SPOCK1: variants seen among roughly 807,000 people sequenced by gnomAD.
SPOCK1 encodes SPARC (osteonectin), cwcv and kazal like domains proteoglycan 1.
A neutral mutation model predicts 55.3 loss-of-function variants in SPOCK1; 23 were observed. The ratio of observed to expected loss-of-function variants is 0.42; its 90% confidence interval spans 0.30 to 0.59. The LOEUF (loss-of-function observed/expected upper bound fraction) is 0.59, where lower values mean the gene tolerates loss of function less well. SPOCK1 is among the 20% of genes least tolerant of loss of function. The probability of loss-of-function intolerance (pLI) is 0.22; values close to 1 mark genes in which losing one functional copy is unlikely to be tolerated. For missense variants in SPOCK1, 499 were observed against 552.5 expected (o/e 0.90, Z 0.97); for synonymous variants, 226 against 221.0 (o/e 1.02, Z -0.20).
At chr5:137,271,804 T>TTACACACTA (rs56979340) in intron 2 of SPOCK1, among the ~76,000 whole-genome samples, 1 of 151,846 alleles carries the variant, frequency 6.6e-6, no homozygotes, top group Non-Finnish European at 1.5e-5. Context: ...TGTAATTGTA[T>TTACACACTA]CAGCTTCAGA....
intron 2 of SPOCK1, among the ~76,000 whole-genome samples, chr5:137,340,165 T>A (rs1561509260): frequency 1.3e-5 from 2 of 152,160 alleles, no homozygotes; most frequent in African/African-American, 4.8e-5. Context: ...CCAGCTGTCA[T>A]CACTGAAGGA....
chr5:137,298,025 C>T (rs1420479608), intron 2 of SPOCK1, among the ~76,000 whole-genome samples: 2 of 152,176 alleles, frequency 1.3e-5, no homozygotes, highest in Non-Finnish European at 2.9e-5. Flanking sequence ...GTGGCCCCAA[C>T]CTCAGCTCAC....
At chr5:137,263,528 T>C (rs930686453) in intron 3 of SPOCK1, among the ~76,000 whole-genome samples, 1 of 152,176 alleles carries the variant, frequency 6.6e-6, no homozygotes, top group African/African-American at 2.4e-5. Flanking sequence ...GGGGCCTTCA[T>C]TTCTCCTGAC....
At chr5:137,495,903 G>T (rs971456978) in intron 2 of SPOCK1, among the ~76,000 whole-genome samples, 1 of 152,170 alleles carries the variant, frequency 6.6e-6, no homozygotes, top group Non-Finnish European at 1.5e-5. Context: ...CATAAAATGG[G>T]TGATGAATGA....
intron 3 of SPOCK1, among the ~76,000 whole-genome samples, chr5:137,196,857 T>C (rs1755310260): frequency 2.0e-5 from 3 of 152,266 alleles, no homozygotes; most frequent in South Asian, 4.1e-4. Context: ...ATGAGCTTAG[T>C]AAATATTTGT....
At chr5:137,280,265 G>A (rs1757141717) in intron 2 of SPOCK1, among the ~76,000 whole-genome samples, 1 of 152,190 alleles carries the variant, frequency 6.6e-6, no homozygotes, top group Non-Finnish European at 1.5e-5. Context: ...CTTGTAAGGA[G>A]CACCCAGCTG....
chr5:137,406,248 A>G (rs182355638), intron 2 of SPOCK1, among the ~76,000 whole-genome samples: 1 of 152,344 alleles, frequency 6.6e-6, no homozygotes, highest in African/African-American at 2.4e-5. Flanking sequence ...GTCAGCCCCT[A>G]GTGCTTGACG....
At chr5:137,031,604 G>A (rs1425366103) in intron 6 of SPOCK1, among the ~76,000 whole-genome samples, 2 of 152,152 alleles carry the variant, frequency 1.3e-5, no homozygotes, top group Non-Finnish European at 2.9e-5. Context: ...AGCAAGATGG[G>A]CCATGTTTTG....
intron 3 of SPOCK1, among the ~76,000 whole-genome samples, chr5:137,220,646 T>C (rs1464254265): frequency 6.6e-6 from 1 of 152,192 alleles, no homozygotes; most frequent in Non-Finnish European, 1.5e-5. Flanking sequence ...TGGGTTTCTC[T>C]AAACAGTGAG....
chr5:137,264,416 C>G (rs143081395), intron 3 of SPOCK1, among the ~76,000 whole-genome samples: 52 of 152,250 alleles, frequency 3.4e-4, no homozygotes, highest in African/African-American at 1.2e-3. Context: ...TCTGACTACA[C>G]TATTACCAGA....
At chr5:137,071,955 T>C (rs1225057928) in intron 5 of SPOCK1, among the ~76,000 whole-genome samples, 1 of 152,222 alleles carries the variant, frequency 6.6e-6, no homozygotes, top group African/African-American at 2.4e-5. Context: ...TTAGTGGCGC[T>C]TTGTTACAGT....
intron 5 of SPOCK1, among the ~76,000 whole-genome samples, chr5:137,074,773 C>T (rs1162009454): frequency 6.6e-6 from 1 of 151,992 alleles, no homozygotes; most frequent in Admixed American, 6.6e-5. Context: ...GGCGCAAACT[C>T]GGCTCACTGC....
chr5:137,032,577 C>T (rs1383798589), intron 6 of SPOCK1, among the ~76,000 whole-genome samples: 7 of 151,992 alleles, frequency 4.6e-5, no homozygotes, highest in Non-Finnish European at 8.8e-5. Context: ...AGTGTGGGCT[C>T]CTGCAATGTG....
At chr5:137,475,386 GA>G (rs1387182299) in intron 2 of SPOCK1, among the ~76,000 whole-genome samples, 3 of 152,002 alleles carry the variant, frequency 2.0e-5, no homozygotes, top group Admixed American at 1.3e-4. Context: ...TGGAATGGAA[GA>G]AAAAAACAGT....
chr5:137,319,182 TG>T (rs1478964915), intron 2 of SPOCK1, among the ~76,000 whole-genome samples: 1 of 152,242 alleles, frequency 6.6e-6, no homozygotes, highest in Non-Finnish European at 1.5e-5. Context: ...ACTACCCAGC[TG>T]AATTTTAAGC....
intron 2 of SPOCK1, among the ~76,000 whole-genome samples, chr5:137,472,037 G>A (rs1528972): frequency 0.29 from 43,920 of 151,990 alleles, 6,346 homozygotes; most frequent in Middle Eastern, 0.37. Flanking sequence ...GTCACAAACT[G>A]TTCTTCCAGA....
chr5:137,308,214 T>C (rs1757731657), intron 2 of SPOCK1, among the ~76,000 whole-genome samples: 1 of 152,256 alleles, frequency 6.6e-6, no homozygotes, highest in Non-Finnish European at 1.5e-5. Flanking sequence ...TCATTAATTC[T>C]ACCAAGATTT....
At chr5:137,436,974 T>C (rs1160836470) in intron 2 of SPOCK1, among the ~76,000 whole-genome samples, 2 of 152,136 alleles carry the variant, frequency 1.3e-5, no homozygotes, top group African/African-American at 2.4e-5. Context: ...GGGCCCAACA[T>C]TTCCGGAATG....
intron 3 of SPOCK1, among the ~76,000 whole-genome samples, chr5:137,149,852 T>C (rs1754279922): frequency 6.6e-6 from 1 of 152,190 alleles, no homozygotes. Flanking sequence ...AGAGGCAGCT[T>C]TGCCACTTCT....
Sources: allele counts gnomAD v4.1 joint callset (sites outside exome capture counted in the v4.1 genomes callset), GRCh38; gene constraint gnomAD v4.1.1; transcripts MANE v1.5; gene names NCBI Gene and HGNC (gene_info 2026-07-23, HGNC 2026-07-21).